The following GRSF1 variants were observed in gnomAD, a reference collection of about 807,000 sequenced individuals.
GRSF1 encodes G-rich sequence factor 1.
In GRSF1, 50 loss-of-function variants were observed where a neutral mutation model predicts 51.1. The ratio of observed to expected loss-of-function variants is 0.98; its 90% CI spans 0.78 to 1.24. The LOEUF (loss-of-function observed/expected upper bound fraction) is 1.24, where lower values mean the gene tolerates loss of function less well. Ranked by LOEUF, GRSF1 falls within the 50% of genes most tolerant of loss-of-function variation. The pLI, the probability that GRSF1 is intolerant of heterozygous loss-of-function variation, is 0.00. For synonymous variants in GRSF1, 293 were observed against 253.3 expected (o/e 1.16, Z -1.49); for missense variants, 700 against 639.7 (o/e 1.09, Z -1.02).
chr4:70,824,453 A>G lies in GRSF1; in HGVS notation c.1394-85T>C. On this transcript the variant is annotated intron_variant, in intron 8 of 9. Transcript: ENST00000254799. The stretch of plus-strand genomic sequence containing the variant: ...CATTTTTCTCACAGTTCAGACAGCA[A>G]CTCAAACCCTTTGCCCTTTCCTTTC... 4 of 730,080 alleles carry G rather than the reference A, an allele frequency of 5.5e-6. No homozygotes were observed. The Admixed American group carries it at 8.4e-5, about 15-fold the overall frequency. 45.2% of individuals were successfully genotyped at this position (730,080 alleles called of 1,614,324 possible).
chr4:70,823,944 A>C (rs1417485383), intron 9 of GRSF1, among the ~76,000 whole-genome samples: 1 of 150,818 alleles, frequency 6.6e-6, no homozygotes, highest in Admixed American at 6.6e-5. Flanking sequence ...TAGTTTATCA[A>C]TAGCAAATAA....
At chr4:70,822,561 CAA>C (rs1465085842) in intron 9 of GRSF1, among the ~76,000 whole-genome samples, 2 of 125,828 alleles carry the variant, frequency 1.6e-5, no homozygotes, top group African/African-American at 3.5e-5. Flanking sequence ...TCACCCTGGG[CAA>C]AAAGAGTGAG....
In GRSF1 at chr4:70,820,287, T is replaced by C. The variant is rs369059246; in HGVS notation, c.*600A>G. The C allele has an allele frequency of 4.6e-5, 7 of 152,780 alleles. No homozygotes were observed. The highest frequency in any genetic ancestry group is 3.9e-4 in the East Asian group (2 of 5,192). 9.5% of individuals were successfully genotyped at this position (152,780 alleles called of 1,614,324 possible). A position where few individuals can be genotyped will look rare whatever the true frequency, so the allele number is the denominator to read the frequency against. On this transcript the variant is annotated 3_prime_UTR_variant, in exon 10 of 10. Transcript: ENST00000254799. ...TTTCTAAAGACATAAAACCGCCAAA[T>C]TGTCATTTACACTAAGCTGTGGTAT...
chr4:70,835,129 C>G (rs1409246180), intron 2 of GRSF1, among the ~76,000 whole-genome samples: 1 of 151,920 alleles, frequency 6.6e-6, no homozygotes, highest in Non-Finnish European at 1.5e-5. Flanking sequence ...TAATCTCACT[C>G]TTTGTTATGG....
At chr4:70,833,694 G>C (rs1192504845) in intron 2 of GRSF1, among the ~76,000 whole-genome samples, 1 of 151,990 alleles carries the variant, frequency 6.6e-6, no homozygotes, top group Non-Finnish European at 1.5e-5. Context: ...TTAACTTTTT[G>C]TTTTTGTAGA....
chr4:70,824,651 T>C (rs7665956), intron 8 of GRSF1, among the ~76,000 whole-genome samples: 150,229 of 152,194 alleles, frequency 0.99, 74,167 homozygotes, highest in Middle Eastern at 1. Flanking sequence ...AGTGTGGTGG[T>C]GGGTGCCTAT....
chr4:70,831,989 A>T (rs1344311585), intron 4 of GRSF1, among the ~76,000 whole-genome samples: 1 of 151,766 alleles, frequency 6.6e-6, no homozygotes, highest in Non-Finnish European at 1.5e-5. Context: ...TGGTTCTAGG[A>T]ATTAGAAAAT....
chr4:70,826,082 T>C (rs1404415754), intron 7 of GRSF1, 42 bp downstream of exon 7: 5 of 1,553,888 alleles, frequency 3.2e-6, no homozygotes, highest in Admixed American at 1.9e-5. Flanking sequence ...TTTAGAACTT[T>C]TGTTCAAATC....
chr4:70,833,977 T>C (rs547435749), intron 2 of GRSF1, among the ~76,000 whole-genome samples: 4 of 152,214 alleles, frequency 2.6e-5, no homozygotes, highest in African/African-American at 9.6e-5. Flanking sequence ...ATTAATGAAA[T>C]AGCCAGGCAT....
At chr4:70,823,519 G>A (rs1340293109) in intron 9 of GRSF1, among the ~76,000 whole-genome samples, 4 of 150,014 alleles carry the variant, frequency 2.7e-5, no homozygotes, top group East Asian at 1.9e-4. Context: ...AGAAGCCAGA[G>A]CGAGAATTTT....
rs375831975 is a variant in GRSF1 at position 70,828,073 on chromosome 4, C to T, written c.951-37G>A. Reference sequence around the variant, plus strand: ...CAAAAGTAAACAGGCACAAATGGTGCAAAGTAACTTTATACTGAACTCATT... The same window carrying T: ...CAAAAGTAAACAGGCACAAATGGTGTAAAGTAACTTTATACTGAACTCATT... On this transcript the variant is annotated intron_variant, in intron 5 of 9. Transcript: ENST00000254799. The T allele has an allele frequency of 2.3e-5, 34 of 1,463,966 alleles. No homozygotes were observed. The African/African-American group carries it at 3.3e-4, about 14-fold the overall frequency. The allele number at this position is 1,463,966 out of a possible 1,614,324, so 90.7% of individuals were successfully genotyped here.
chr4:70,828,815 G>A (rs934576406), intron 5 of GRSF1, among the ~76,000 whole-genome samples: 5 of 147,224 alleles, frequency 3.4e-5, no homozygotes, highest in Admixed American at 1.4e-4. Flanking sequence ...TTGGCTCACT[G>A]CAACCTCTGC....
chr4:70,828,905 T>A (rs529362928), intron 5 of GRSF1, among the ~76,000 whole-genome samples: 88 of 151,688 alleles, frequency 5.8e-4, no homozygotes, highest in African/African-American at 2.0e-3. Flanking sequence ...GCCCAGCTGA[T>A]TTTTTGTATT....
intron 9 of GRSF1, among the ~76,000 whole-genome samples, chr4:70,822,467 T>G (rs1560593129): frequency 6.6e-6 from 1 of 151,406 alleles, no homozygotes. Context: ...CCTGTAATCC[T>G]AGCTACTTGG....
chr4:70,826,426 T>A (rs1485538552), intron 6 of GRSF1, among the ~76,000 whole-genome samples, 181 bp from the exon 7 acceptor site: 2 of 152,034 alleles, frequency 1.3e-5, no homozygotes, highest in Non-Finnish European at 2.9e-5. Context: ...AAGCACTGAA[T>A]GCCTCAGACC....
chr4:70,828,814 T>A (rs1733839340), intron 5 of GRSF1, among the ~76,000 whole-genome samples: 2 of 151,024 alleles, frequency 1.3e-5, no homozygotes, highest in South Asian at 4.2e-4. Context: ...CTTGGCTCAC[T>A]GCAACCTCTG....
At chr4:70,837,546 A>T (rs1342293096) in intron 1 of GRSF1, among the ~76,000 whole-genome samples, 2 of 118,176 alleles carry the variant, frequency 1.7e-5, no homozygotes, top group African/African-American at 3.3e-5. Context: ...CATGGGCAAC[A>T]GAGCAAGACT....
Position 70,829,916 on chromosome 4 carries a change from T to TA in GRSF1, c.950+1622dup, listed in dbSNP as rs199526354. ...GCTGATTTAAAAGGCCAGAAAACAG[T>TA]AAAAAAAAAAATTAACGAAACAGTG... On this transcript the variant is annotated intron_variant, in intron 5 of 9. Coordinates refer to ENST00000254799, the MANE Select transcript of GRSF1 (RefSeq NM_002092.4). Among the ~76,000 whole-genome samples, 176 of 147,724 alleles carry TA rather than the reference T, an allele frequency of 1.2e-3. 2 individuals carry two copies. The East Asian group carries it at 0.022, about 18-fold the overall frequency.
chr4:70,830,831 A>G (rs1429528359), intron 5 of GRSF1, among the ~76,000 whole-genome samples: 5 of 152,242 alleles, frequency 3.3e-5, no homozygotes, highest in East Asian at 3.9e-4. Flanking sequence ...GCCAAAAAAA[A>G]AAAGGCTATT....
Sources: gnomAD v4.1 joint callset for allele counts (sites outside exome capture counted in the v4.1 genomes callset) on GRCh38, gnomAD v4.1.1 for gene constraint, MANE v1.5 for transcripts, NCBI Gene and HGNC (gene_info 2026-07-23, HGNC 2026-07-21) for gene names.